MUC12: variants seen among roughly 807,000 people sequenced by gnomAD.
MUC12 encodes the protein mucin 12, cell surface associated, also known as mucin-12.
MUC12 carries 172 observed loss-of-function variants against 230.8 expected under a neutral mutation model. The observed-to-expected ratio is 0.75, with a 90% CI of 0.66 to 0.85. The LOEUF is 0.85. Ranked by LOEUF, MUC12 falls within the 40% of genes least tolerant of loss-of-function variation. MUC12 has a pLI of 0.00. For missense variants in MUC12, 3,506 were observed against 5,920.6 expected (o/e 0.59, Z 13.38); for synonymous variants, 1,259 against 2,401.9 (o/e 0.52, Z 13.91).
At position 100,995,912 on chromosome 7, in the gene MUC12, C is replaced by G. The variant is rs1402108911; in HGVS notation, c.5349C>G (p.His1783Gln). 4 of 1,323,744 alleles carry G rather than the reference C, an allele frequency of 3.0e-6. No homozygotes were observed. The highest frequency in any genetic ancestry group is 4.1e-6 in the Non-Finnish European group (4 of 981,388). 82.0% of individuals were successfully genotyped at this position (1,323,744 alleles called of 1,614,324 possible). The change falls in exon 2 of 12, where the codon CAC (histidine) becomes CAG (glutamine). Residue 1783 changes from histidine to glutamine, a missense_variant. Physicochemically the swap from His to Gln is conservative, Grantham distance 24. Coordinates refer to ENST00000536621, the MANE Select transcript of MUC12 (RefSeq NM_001164462.2). ...HSSPGSTQTM[H>Q]FPESSTASGR... ...GCCCGGGCTCAACTCAAACAATGCA[C>G]TTCCCTGAAAGCTCCACAGCTTCAG...
chr7:101,017,531 C>A, intron 10 of MUC12, 44 bp from the exon 11 acceptor site: 1 of 1,277,478 alleles, frequency 7.8e-7, no homozygotes. Flanking sequence ...CCTAGTCCTC[C>A]CCCTACCAAG....
intron 1 of MUC12, among the ~76,000 whole-genome samples, chr7:100,982,439 T>TC (rs1793123313): frequency 7.0e-6 from 1 of 143,374 alleles, no homozygotes; most frequent in Middle Eastern, 3.3e-3. Context: ...TCTTTTCTTT[T>TC]CTTTTTTTTT....
Position 100,972,300 on chromosome 7 carries a change from C to T in MUC12, c.67+2611C>T, listed in dbSNP as rs1792921531. 23 of 684,826 alleles carry T rather than the reference C, an allele frequency of 3.4e-5. No individual in the cohort carries two copies. The South Asian group carries it at 3.6e-4, about 11-fold the overall frequency. The allele number at this position is 684,826 out of a possible 1,614,324, so 42.4% of individuals were successfully genotyped here. A position where few individuals can be genotyped will look rare whatever the true frequency, so the allele number is the denominator to read the frequency against. On this transcript the variant is annotated intron_variant, in intron 1 of 11. Transcript: ENST00000536621. ...CCACCACTTGACAGTGGATTTGTGT[C>T]CTGCGCCCCTCCTCCCCTCTAGAGG...
chr7:100,990,525 G>C, intron 1 of MUC12, 106 bp from the exon 2 acceptor site: 1 of 1,364,210 alleles, frequency 7.3e-7, no homozygotes, highest in Non-Finnish European at 1.0e-6. Flanking sequence ...AATACCATGG[G>C]CTGACCAGGT....
intron 5 of MUC12, among the ~76,000 whole-genome samples, chr7:101,011,345 G>A (rs1203695388): frequency 1.3e-5 from 2 of 152,118 alleles, no homozygotes; most frequent in Admixed American, 6.5e-5. Flanking sequence ...CAGATGACTT[G>A]CCTTGTCTCA....
Position 100,991,058 on chromosome 7 carries a change from A to C in MUC12, c.495A>C (p.Ser165=), listed in dbSNP as rs763415266. 56 of 1,537,310 alleles carry C rather than the reference A, an allele frequency of 3.6e-5. No homozygotes were observed. Among genetic ancestry groups the C allele is most frequent in the East Asian group, 9.8e-5 (4 of 40,880 alleles). Residue 165 remains serine (S), a synonymous_variant, in exon 2 of 12, where the codon TCA becomes TCC. Transcript: ENST00000536621. ...CAAGCTCAGGCGTCAGTGAAAAATC[A>C]ACCACCTCCCACAGCCGACCAGGCC... ...RTTSSGVSEK[S]TTSHSRPGPT... is the part of the protein sequence containing the mutation.
At chr7:100,972,052 AG>A (rs1792912901) in intron 1 of MUC12, 1 of 702,330 alleles carries the variant, frequency 1.4e-6, no homozygotes, top group Non-Finnish European at 2.6e-6. Flanking sequence ...CCAGGCAAGT[AG>A]GGCCACTCCG....
At chr7:100,973,132 T>C in intron 1 of MUC12, 1 of 661,872 alleles carries the variant, frequency 1.5e-6, no homozygotes, top group African/African-American at 1.8e-5. Flanking sequence ...GGGCTGGGGA[T>C]GCCTCTGTAG....
chr7:101,018,506 T>G, intron 11 of MUC12, 89 bp from the exon 12 acceptor site: 1 of 866,874 alleles, frequency 1.2e-6, no homozygotes, highest in Non-Finnish European at 1.6e-6. Context: ...TGGGGTTCCC[T>G]CCTCCCCGCC....
intron 1 of MUC12, among the ~76,000 whole-genome samples, chr7:100,979,376 A>C (rs1793072483): frequency 6.6e-6 from 1 of 152,098 alleles, no homozygotes; most frequent in African/African-American, 2.4e-5. Context: ...GGAAATTGTT[A>C]CCAGTGAATG....
chr7:101,012,708 C>A (rs1023970588), intron 6 of MUC12, 111 bp from the exon 7 acceptor site: 2 of 1,238,982 alleles, frequency 1.6e-6, no homozygotes, highest in Non-Finnish European at 2.3e-6. Flanking sequence ...AAGACTCCCA[C>A]GGGCATTGGC....
At chr7:100,974,017 T>C (rs1424688406) in intron 1 of MUC12, among the ~76,000 whole-genome samples, 1 of 151,646 alleles carries the variant, frequency 6.6e-6, no homozygotes, top group East Asian at 1.9e-4. Context: ...GTCATAGTGG[T>C]GCATGCCTAT....
rs1460652685 is a variant in MUC12 at position 100,992,565 on chromosome 7, A to T, written c.2002A>T (p.Ile668Phe). 6.5e-7 allele frequency: 1 copy of T among 1,537,974 alleles called. No homozygotes were observed. The highest frequency in any genetic ancestry group is 1.2e-5 in the South Asian group (1 of 84,066). Residue 668 changes from isoleucine (I) to phenylalanine (F), a missense_variant, in exon 2 of 12, where the codon ATT becomes TTT. Physicochemically the swap from Ile to Phe is conservative, Grantham distance 21. Coordinates refer to ENST00000536621, the MANE Select transcript of MUC12 (RefSeq NM_001164462.2). ...STTSHGSPSS[I>F]PTTHISARST... ...AACCTCCCACGGCAGCCCGAGCTCAATTCCAACAACCCACATTTCTGCCCG... is the reference window on the plus strand; with the variant it reads ...AACCTCCCACGGCAGCCCGAGCTCATTTCCAACAACCCACATTTCTGCCCG...
At position 101,008,545 on chromosome 7, in the gene MUC12, CA is replaced by C. The variant is rs530108182; in HGVS notation, c.15059-87del. ...CTTCCTCTTAAGTTTCTTTCACCTTCAAGACACCCACAGGCAGAGAATGTAT... is the reference window on the plus strand; with the variant it reads ...CTTCCTCTTAAGTTTCTTTCACCTTCAGACACCCACAGGCAGAGAATGTAT... On this transcript the variant is annotated intron_variant, in intron 3 of 11. Transcript: ENST00000536621. The C allele has an allele frequency of 8.2e-5, 119 of 1,444,322 alleles. 2 individuals carry two copies. In the African/African-American group the frequency reaches 1.5e-3, roughly 18 times the overall value. 89.5% of individuals were successfully genotyped at this position (1,444,322 alleles called of 1,614,324 possible).
At position 100,993,498 on chromosome 7, in the gene MUC12, C is replaced by G. The variant is rs1186815321; in HGVS notation, c.2935C>G (p.Pro979Ala). ...TGGCTCACCACGCACAACACTGTCCCCTGCCAGCTCCACAAGCCCTGGACT... is the reference window on the plus strand; with the variant it reads ...TGGCTCACCACGCACAACACTGTCCGCTGCCAGCTCCACAAGCCCTGGACT... ...STGSPRTTLS[P>A]ASSTSPGLQG... The change falls in exon 2 of 12, where the codon CCT becomes GCT. Residue 979 changes from proline (P) to alanine (A), a missense_variant. Coordinates refer to ENST00000536621, the MANE Select transcript of MUC12 (RefSeq NM_001164462.2). The G allele has an allele frequency of 9.8e-7, 1 of 1,019,882 alleles. No individual in the cohort carries two copies. The highest frequency in any genetic ancestry group is 1.3e-6 in the Non-Finnish European group (1 of 756,290). The allele number at this position is 1,019,882 out of a possible 1,614,324, so 63.2% of individuals were successfully genotyped here.
rs777666695 is a variant in MUC12, at chr7:100,992,829, G to C, written c.2266G>C (p.Asp756His). ...CTCAACTGCAACAACACACTTCCCT[G>C]ACAGCTCCACAACCTCAGGCCGTAG... Reference protein sequence around the residue: ...PGSTATTHFPDSSTTSGRSEE... With the variant: ...PGSTATTHFPHSSTTSGRSEE... The change falls in exon 2 of 12, where the codon GAC becomes CAC. Residue 756 changes from aspartate to histidine, a missense_variant. Physicochemically the swap from Asp to His is moderately conservative, Grantham distance 81. Transcript: ENST00000536621. 6.5e-7 allele frequency: 1 copy of C among 1,537,528 alleles called. No homozygotes were observed. Among genetic ancestry groups the C allele is most frequent in the East Asian group, 2.4e-5 (1 of 40,912 alleles).
chr7:101,009,478 G>C (rs1051806927), intron 5 of MUC12, among the ~76,000 whole-genome samples: 2 of 152,152 alleles, frequency 1.3e-5, no homozygotes, highest in East Asian at 1.9e-4. Context: ...GGGCACACAG[G>C]GTGCCCTGGG....
rs2116369148 is a variant in MUC12 at position 101,017,633 on chromosome 7, C to T, written c.15936C>T (p.Pro5312=). ...GLENAYNNFR[P]TLETVDSGTE... Reference sequence around the variant, plus strand: ...AGAACGCCTACAACAACTTCCGGCCCACCCTGGAGACTGTTGACTCTGGCA... The same window carrying T: ...AGAACGCCTACAACAACTTCCGGCCTACCCTGGAGACTGTTGACTCTGGCA... Residue 5312 remains proline (P), a synonymous_variant, in exon 11 of 12, where the codon CCC becomes CCT. Transcript: ENST00000536621. 6.5e-7 allele frequency: 1 copy of T among 1,536,120 alleles called. No homozygotes were observed. The highest frequency in any genetic ancestry group is 2.4e-5 in the East Asian group (1 of 40,898).
intron 1 of MUC12, among the ~76,000 whole-genome samples, chr7:100,981,758 C>T (rs552181534): frequency 1.3e-5 from 2 of 152,238 alleles, no homozygotes; most frequent in Admixed American, 6.5e-5. Context: ...AGTGTCCCTG[C>T]CTTCTTTGGG....
Sources: gnomAD v4.1 joint callset for allele counts (sites outside exome capture counted in the v4.1 genomes callset) on GRCh38, gnomAD v4.1.1 for gene constraint, MANE v1.5 for transcripts, NCBI Gene and HGNC (gene_info 2026-07-23, HGNC 2026-07-21) for gene names.